The following UBAP2 variants were observed in gnomAD, a reference collection of about 807,000 sequenced individuals.
UBAP2 encodes ubiquitin-associated protein 2.
Under a neutral mutation model 139.6 loss-of-function variants are expected in UBAP2, and 75 were observed. That is an observed-to-expected ratio of 0.54 (90% CI 0.45 to 0.65). UBAP2 has a LOEUF of 0.65. Among genes scored for constraint, UBAP2 ranks in the 30% least tolerant of loss-of-function variants. The pLI is 0.00. For synonymous variants in UBAP2, 526 were observed against 526.2 expected (o/e 1.00, Z 0.01); for missense variants, 1,368 against 1,369.6 (o/e 1.00, Z 0.02).
rs774786263 is a variant in UBAP2 at position 33,944,393 on chromosome 9, G to T, written c.1517C>A (p.Ala506Asp). 1.9e-6 allele frequency: 3 copies of T among 1,613,552 alleles called. No individual in the cohort carries two copies. Among genetic ancestry groups the T allele is most frequent in the Non-Finnish European group, 1.7e-6 (2 of 1,179,596 alleles). ...HQPQPKHIKL[A>D]KRRIPPASKI... ...AGAAGCTGGGGGTATCCGCCGCTTA[G>T]CAAGTTTGATGTGTTTGGGCTGTGG... Residue 506 changes from alanine (A) to aspartate (D), a missense_variant, in exon 14 of 29, where the codon GCT becomes GAT. By Grantham distance (126) the Ala-to-Asp change is moderately radical. Transcript: ENST00000379238.
chr9:33,992,661 G>T (rs1030874998), intron 4 of UBAP2, among the ~76,000 whole-genome samples: 5 of 150,118 alleles, frequency 3.3e-5, no homozygotes, highest in South Asian at 4.3e-4. Flanking sequence ...CGGGCGGAGG[G>T]GGGGGGGCAC....
At chr9:34,030,183 C>A (rs1285850792) in intron 1 of UBAP2, among the ~76,000 whole-genome samples, 1 of 152,002 alleles carries the variant, frequency 6.6e-6, no homozygotes, top group South Asian at 2.1e-4. Flanking sequence ...CGGTGGCTCA[C>A]GCCTGTAATC....
chr9:33,925,271 C>T (rs570633229), intron 22 of UBAP2, among the ~76,000 whole-genome samples: 1 of 152,302 alleles, frequency 6.6e-6, no homozygotes, highest in East Asian at 1.9e-4. Context: ...CAGCCTAGAA[C>T]CCCCGGAAGA....
intron 8 of UBAP2, among the ~76,000 whole-genome samples, chr9:33,969,238 TG>T (rs1827706397): frequency 6.6e-6 from 1 of 152,206 alleles, no homozygotes; most frequent in Non-Finnish European, 1.5e-5. Flanking sequence ...ATCTAGGAGT[TG>T]ATTTGACTTG....
At chr9:33,943,174 A>T (rs62555936) in intron 15 of UBAP2, among the ~76,000 whole-genome samples, 1 of 152,232 alleles carries the variant, frequency 6.6e-6, no homozygotes, top group East Asian at 1.9e-4. Flanking sequence ...AAAAGGCCAC[A>T]TATTCCAAGA....
chr9:33,991,246 A>C (rs1821686544), intron 4 of UBAP2, among the ~76,000 whole-genome samples: 2 of 152,172 alleles, frequency 1.3e-5, no homozygotes, highest in Admixed American at 6.6e-5. Context: ...GGTTGCAGTG[A>C]GCCAAGATCA....
chr9:33,960,939 A>G (rs765317295), intron 9 of UBAP2, 61 bp from the exon 10 acceptor site: 123 of 1,531,612 alleles, frequency 8.0e-5, no homozygotes, highest in Admixed American at 7.9e-4. Context: ...TCTCAGTCCA[A>G]ATGATTCCTT....
intron 4 of UBAP2, 132 bp from the exon 5 acceptor site, chr9:33,989,258 A>AG (rs1366879313): frequency 1.3e-5 from 13 of 1,038,110 alleles, no homozygotes; most frequent in Non-Finnish European, 1.5e-5. Context: ...GCTGGAGTGC[A>AG]TGGCGCCCTC....
chr9:33,951,918 G>C (rs897201901), intron 12 of UBAP2, among the ~76,000 whole-genome samples: 13 of 152,048 alleles, frequency 8.5e-5, no homozygotes, highest in African/African-American at 3.1e-4. Context: ...TAAAAATCAG[G>C]GTTTTTATTA....
chr9:34,046,297 A>AT (rs1210369137), intron 1 of UBAP2, among the ~76,000 whole-genome samples: 1 of 144,042 alleles, frequency 6.9e-6, no homozygotes. Flanking sequence ...ATAAATCATC[A>AT]TTTAAAAAAA....
At chr9:33,930,213 A>C (rs1823848260) in intron 19 of UBAP2, among the ~76,000 whole-genome samples, 1 of 152,136 alleles carries the variant, frequency 6.6e-6, no homozygotes, top group Non-Finnish European at 1.5e-5. Flanking sequence ...TATTTCATTC[A>C]CCGCCAGTGG....
intron 1 of UBAP2, among the ~76,000 whole-genome samples, chr9:34,032,236 C>T (rs753154847): frequency 1.4e-4 from 21 of 152,198 alleles, no homozygotes; most frequent in Admixed American, 3.3e-4. Flanking sequence ...CAACCATGTT[C>T]AGCTGCAGGA....
Position 33,997,764 on chromosome 9 carries a change from A to G in UBAP2, c.177+1023T>C, listed in dbSNP as rs1587634218. On this transcript the variant is annotated intron_variant, in intron 3 of 28. Coordinates refer to ENST00000379238, the MANE Select transcript of UBAP2 (RefSeq NM_001370062.2). The stretch of plus-strand genomic sequence containing the variant: ...CCTGGGCCAGTGTTCTATCTATACT[A>G]TTCAGATAAAAGGCAATGTAATATA... 2.0e-5 allele frequency: 3 copies of G among 152,304 alleles called. 1 individual carries two copies. In the Middle Eastern group the frequency reaches 0.01, roughly 518 times the overall value. 9.4% of individuals were successfully genotyped at this position (152,304 alleles called of 1,614,324 possible). A position where few individuals can be genotyped will look rare whatever the true frequency, so the allele number is the denominator to read the frequency against.
chr9:33,988,178 T>A (rs1821372861), intron 5 of UBAP2, among the ~76,000 whole-genome samples: 1 of 152,092 alleles, frequency 6.6e-6, no homozygotes, highest in African/African-American at 2.4e-5. Flanking sequence ...TTATTTTCTT[T>A]ATTGTTACAT....
At chr9:33,982,695 G>A (rs780175457) in intron 6 of UBAP2, among the ~76,000 whole-genome samples, 9 of 152,012 alleles carry the variant, frequency 5.9e-5, no homozygotes, top group African/African-American at 1.9e-4. Context: ...GCATACTTGC[G>A]ATTAAGAAAA....
intron 19 of UBAP2, 183 bp from the exon 20 acceptor site, chr9:33,928,175 A>T: frequency 1.8e-6 from 1 of 570,996 alleles, no homozygotes; most frequent in Non-Finnish European, 3.1e-6. Context: ...CTCACATAGC[A>T]GCTGGTTCCA....
At chr9:33,965,072 T>C (rs1236910023) in intron 8 of UBAP2, among the ~76,000 whole-genome samples, 2 of 152,200 alleles carry the variant, frequency 1.3e-5, no homozygotes, top group Non-Finnish European at 2.9e-5. Flanking sequence ...AATGCAAATA[T>C]TTTGCTTTTA....
At chr9:34,024,203 G>T (rs977281332) in intron 1 of UBAP2, among the ~76,000 whole-genome samples, 1 of 151,054 alleles carries the variant, frequency 6.6e-6, no homozygotes, top group Non-Finnish European at 1.5e-5. Context: ...TTAGCCGGGC[G>T]TGGGGGCACA....
chr9:34,014,720 G>T (rs939543130), intron 2 of UBAP2, among the ~76,000 whole-genome samples: 1 of 151,350 alleles, frequency 6.6e-6, no homozygotes, highest in Non-Finnish European at 1.5e-5. Context: ...ACTTGAACCC[G>T]GGAAGTGGAG....
Sources: gnomAD v4.1 joint callset for allele counts (sites outside exome capture counted in the v4.1 genomes callset) on GRCh38, gnomAD v4.1.1 for gene constraint, MANE v1.5 for transcripts, NCBI Gene and HGNC (gene_info 2026-07-23, HGNC 2026-07-21) for gene names.